The following MAGI2 variants were observed in gnomAD, a reference collection of about 807,000 sequenced individuals.
MAGI2 encodes membrane-associated guanylate kinase, WW and PDZ domain-containing protein 2.
MAGI2 carries 35 observed loss-of-function variants against 133.3 expected under a neutral mutation model. The observed-to-expected ratio is 0.26, with a 90% CI of 0.20 to 0.35. The LOEUF is 0.35. Among genes scored for constraint, MAGI2 ranks in the 10% least tolerant of loss-of-function variants. The pLI is 1.00. For synonymous variants in MAGI2, 729 were observed against 710.6 expected (o/e 1.03, Z -0.41); for missense variants, 1,636 against 1,863.4 (o/e 0.88, Z 2.25).
chr7:78,176,019 A>G (rs1826562469), intron 14 of MAGI2, among the ~76,000 whole-genome samples: 1 of 152,160 alleles, frequency 6.6e-6, no homozygotes, highest in Admixed American at 6.5e-5. Context: ...AGTTCTCTCT[A>G]TTATAAAACA....
At chr7:78,925,491 C>T (rs1464562055) in intron 2 of MAGI2, among the ~76,000 whole-genome samples, 1 of 151,944 alleles carries the variant, frequency 6.6e-6, no homozygotes, top group Non-Finnish European at 1.5e-5. Context: ...ATATACTAAC[C>T]TCGAATCCAA....
intron 2 of MAGI2, among the ~76,000 whole-genome samples, chr7:78,656,770 A>G (rs1399715909): frequency 6.6e-6 from 1 of 152,174 alleles, no homozygotes; most frequent in Admixed American, 6.5e-5. Flanking sequence ...CACGTTTTAC[A>G]TCTTAAGTAT....
rs58828466 is a variant in MAGI2 at position 79,043,542 on chromosome 7, C to CAAAAAA, written c.302-36342_302-36337dup. Among the ~76,000 whole-genome samples the CAAAAAA allele has an allele frequency of 5.8e-3, 232 of 39,776 alleles. 1 individual carries two copies. Among genetic ancestry groups the CAAAAAA allele is most frequent in the Non-Finnish European group, 6.5e-3 (138 of 21,312 alleles). The allele number at this position is 39,776 out of a possible 152,430, so 26.1% of individuals were successfully genotyped here. A position where few individuals can be genotyped will look rare whatever the true frequency, so the allele number is the denominator to read the frequency against. Reference sequence around the variant, plus strand: ...TGGGTGACAGAGTGAGACTCCATCACAAAAAAAAAAAAAAAAAAAAAAGAA... The same window carrying CAAAAAA: ...TGGGTGACAGAGTGAGACTCCATCACAAAAAAAAAAAAAAAAAAAAAAAAAAAAGAA... On this transcript the variant is annotated intron_variant, in intron 1 of 21. Coordinates refer to ENST00000354212, the MANE Select transcript of MAGI2 (RefSeq NM_012301.4).
At chr7:78,633,699 C>T (rs1261382423) in intron 2 of MAGI2, among the ~76,000 whole-genome samples, 1 of 132,022 alleles carries the variant, frequency 7.6e-6, no homozygotes, top group Non-Finnish European at 1.6e-5. Flanking sequence ...GAGCGAGACT[C>T]CGTCTCAAAA....
chr7:78,451,752 T>C (rs1427903986), intron 6 of MAGI2, among the ~76,000 whole-genome samples: 1 of 152,106 alleles, frequency 6.6e-6, no homozygotes, highest in Non-Finnish European at 1.5e-5. Context: ...TGGGCACTTT[T>C]GGCAACACTG....
chr7:78,051,440 C>T (rs1040873364), intron 21 of MAGI2, among the ~76,000 whole-genome samples: 3 of 152,176 alleles, frequency 2.0e-5, no homozygotes, highest in African/African-American at 7.2e-5. Flanking sequence ...AAATGTTATG[C>T]AATTGTTGGT....
chr7:78,942,987 T>G (rs184029425), intron 2 of MAGI2, among the ~76,000 whole-genome samples: 12 of 152,178 alleles, frequency 7.9e-5, no homozygotes, highest in African/African-American at 2.9e-4. Context: ...TTCCTCAATA[T>G]TATCATACTT....
intron 9 of MAGI2, among the ~76,000 whole-genome samples, chr7:78,277,836 G>A (rs73150272): frequency 0.2 from 29,903 of 152,030 alleles, 3,346 homozygotes; most frequent in South Asian, 0.31. Flanking sequence ...AGATGTGGTG[G>A]CTGTCTATCT....
intron 9 of MAGI2, among the ~76,000 whole-genome samples, chr7:78,330,447 C>G (rs1201720988): frequency 1.4e-5 from 1 of 69,414 alleles, no homozygotes; most frequent in African/African-American, 6.5e-5. Context: ...GAAACCCTGT[C>G]TCTACTAAAA....
chr7:78,870,233 G>T (rs1194096336), intron 2 of MAGI2, among the ~76,000 whole-genome samples: 1 of 151,876 alleles, frequency 6.6e-6, no homozygotes, highest in African/African-American at 2.4e-5. Flanking sequence ...ACCTGTCCCA[G>T]CTACTTGGGA....
chr7:78,067,752 A>G (rs956211639), intron 21 of MAGI2, among the ~76,000 whole-genome samples: 2 of 152,232 alleles, frequency 1.3e-5, no homozygotes, highest in East Asian at 1.9e-4. Context: ...TTTATTTCTG[A>G]TCCTGACTGA....
At chr7:78,803,168 C>T (rs1309686727) in intron 2 of MAGI2, among the ~76,000 whole-genome samples, 1 of 152,034 alleles carries the variant, frequency 6.6e-6, no homozygotes, top group Admixed American at 6.6e-5. Flanking sequence ...CTAAATTAAA[C>T]ACTAGTATAT....
intron 1 of MAGI2, among the ~76,000 whole-genome samples, chr7:79,028,235 G>GTATATATC (rs1554336343): frequency 3.4e-5 from 1 of 29,334 alleles, no homozygotes; most frequent in African/African-American, 9.2e-5. Context: ...ATATATGTAT[G>GTATATATC]TATATATATA....
intron 9 of MAGI2, among the ~76,000 whole-genome samples, chr7:78,298,069 T>C (rs575858777): frequency 1.3e-5 from 2 of 152,208 alleles, no homozygotes; most frequent in South Asian, 4.2e-4. Context: ...TTCGATATGA[T>C]GTGATGAGAA....
chr7:79,201,096 G>T (rs1212297709), intron 1 of MAGI2, among the ~76,000 whole-genome samples: 1 of 151,992 alleles, frequency 6.6e-6, no homozygotes, highest in African/African-American at 2.4e-5. Context: ...TTGGCTCTTT[G>T]TCAGGAGAGG....
intron 3 of MAGI2, chr7:78,615,826 A>T (rs1196103180): frequency 6.6e-6 from 1 of 152,188 alleles, no homozygotes. Context: ...ATTAGTATTC[A>T]TACTTAAAAT....
chr7:79,400,688 A>C (rs1251313471), intron 1 of MAGI2, among the ~76,000 whole-genome samples: 1 of 152,178 alleles, frequency 6.6e-6, no homozygotes, highest in Non-Finnish European at 1.5e-5. Context: ...GATTCAAGTA[A>C]ATTTACCTTA....
intron 2 of MAGI2, among the ~76,000 whole-genome samples, chr7:78,891,823 C>G (rs1392439052): frequency 6.6e-6 from 1 of 152,162 alleles, no homozygotes. Context: ...TTGCACAAGA[C>G]AGGGATGCCC....
chr7:78,289,136 T>C (rs1468650292), intron 9 of MAGI2, among the ~76,000 whole-genome samples: 3 of 152,120 alleles, frequency 2.0e-5, no homozygotes, highest in Non-Finnish European at 4.4e-5. Flanking sequence ...AGGCTTCAGA[T>C]GATCGGTAAT....
Sources: allele counts gnomAD v4.1 joint callset (sites outside exome capture counted in the v4.1 genomes callset), GRCh38; gene constraint gnomAD v4.1.1; transcripts MANE v1.5; gene names NCBI Gene and HGNC (gene_info 2026-07-23, HGNC 2026-07-21).